The following ADAMTSL1 variants were observed in gnomAD, a reference collection of about 807,000 sequenced individuals.
ADAMTSL1 encodes ADAMTS-like protein 1.
Under a neutral mutation model 201.8 loss-of-function variants are expected in ADAMTSL1, and 126 were observed. The ratio of observed to expected loss-of-function variants is 0.62; its 90% CI spans 0.54 to 0.72. The LOEUF is 0.72. ADAMTSL1 is among the 30% of genes least tolerant of loss of function. The pLI is 0.00. For synonymous variants in ADAMTSL1, 1,121 were observed against 903.4 expected (o/e 1.24, Z -4.32); for missense variants, 2,679 against 2,277.8 (o/e 1.18, Z -3.59).
intron 1 of ADAMTSL1, among the ~76,000 whole-genome samples, chr9:17,924,450 T>G (rs1050667067): frequency 3.3e-5 from 5 of 152,302 alleles, no homozygotes; most frequent in African/African-American, 1.2e-4. Context: ...TAGTTTGTAT[T>G]TCTGTGGGAT....
chr9:18,504,789 A>G (rs773419466), intron 1 of ADAMTSL1, 40 bp from the exon 2 acceptor site: 4 of 1,614,008 alleles, frequency 2.5e-6, no homozygotes, highest in South Asian at 1.1e-5. Context: ...TCAGGGTTCC[A>G]TGGGGGATAT....
At chr9:18,868,143 AAT>A (rs1017873452) in intron 23 of ADAMTSL1, among the ~76,000 whole-genome samples, 4 of 152,194 alleles carry the variant, frequency 2.6e-5, no homozygotes, top group Non-Finnish European at 5.9e-5. Context: ...TATTTCAGAA[AAT>A]ATATGTCATT....
At chr9:18,605,128 C>A (rs1340302219) in intron 4 of ADAMTSL1, among the ~76,000 whole-genome samples, 1 of 152,170 alleles carries the variant, frequency 6.6e-6, no homozygotes, top group Non-Finnish European at 1.5e-5. Context: ...CCCTCTTCTG[C>A]TCCCAAGCTC....
At chr9:18,601,205 C>A (rs1824632042) in intron 4 of ADAMTSL1, among the ~76,000 whole-genome samples, 1 of 152,120 alleles carries the variant, frequency 6.6e-6, no homozygotes, top group Admixed American at 6.6e-5. Flanking sequence ...CTTTTGGTTA[C>A]AAGCAATAGA....
chr9:18,777,546 A>G lies in ADAMTSL1; in HGVS notation c.3317A>G (p.Gln1106Arg), dbSNP rs757726480. Residue 1106 changes from glutamine to arginine, a missense_variant, in exon 19 of 29, where the codon CAG becomes CGG. By Grantham distance (43) the Gln-to-Arg change is conservative. Coordinates refer to ENST00000380548, the MANE Select transcript of ADAMTSL1 (RefSeq NM_001040272.6). ...YSKHLVAQLA[Q>R]EIFRSHLEHQ... Reference sequence around the variant, plus strand: ...AAGCACCTGGTGGCCCAGCTGGCCCAGGAGATCTTCCGCAGCCACCTGGAG... The same window carrying G: ...AAGCACCTGGTGGCCCAGCTGGCCCGGGAGATCTTCCGCAGCCACCTGGAG... 2 of 1,604,308 alleles carry G rather than the reference A, an allele frequency of 1.2e-6. No individual in the cohort carries two copies. The highest frequency in any genetic ancestry group is 4.5e-5 in the East Asian group (2 of 44,318).
intron 6 of ADAMTSL1, among the ~76,000 whole-genome samples, chr9:18,637,602 T>C (rs1231059640): frequency 3.9e-5 from 6 of 152,204 alleles, no homozygotes; most frequent in Non-Finnish European, 5.9e-5. Flanking sequence ...TGGAACCTGC[T>C]TTTTTCTCCC....
chr9:18,695,736 C>T (rs1439959974), intron 13 of ADAMTSL1, among the ~76,000 whole-genome samples: 2 of 152,200 alleles, frequency 1.3e-5, no homozygotes, highest in African/African-American at 2.4e-5. Flanking sequence ...ACTCTTCCAA[C>T]CTCTGCCAGT....
intron 23 of ADAMTSL1, among the ~76,000 whole-genome samples, chr9:18,863,169 T>C (rs1205353260): frequency 2.0e-5 from 3 of 152,214 alleles, no homozygotes; most frequent in Non-Finnish European, 4.4e-5. Context: ...AGGCATCTCA[T>C]CTTCTTCACC....
chr9:18,194,264 T>C (rs1829085455), intron 2 of ADAMTSL1, among the ~76,000 whole-genome samples: 1 of 152,124 alleles, frequency 6.6e-6, no homozygotes, highest in Non-Finnish European at 1.5e-5. Flanking sequence ...AGTCAAGTTA[T>C]TTTTTTAAAT....
At chr9:18,891,917 A>G (rs1829299198) in intron 25 of ADAMTSL1, among the ~76,000 whole-genome samples, 1 of 152,230 alleles carries the variant, frequency 6.6e-6, no homozygotes, top group African/African-American at 2.4e-5. Flanking sequence ...TTTGAAGGCC[A>G]AAAGTCCAAG....
rs368648830 is a variant in ADAMTSL1, at chr9:18,284,304, C to T, written c.207+120323C>T. 2.6e-4 allele frequency among the ~76,000 whole-genome samples: 40 copies of T among 152,212 alleles called. No homozygotes were observed. The South Asian group carries it at 7.9e-3, about 30-fold the overall frequency. ...ATAGATGATGATACCACCACAGTTG[C>T]TTTTTATTTTCCCCCTTTCTATTCC... On this transcript the variant is annotated intron_variant, in intron 2 of 29. Coordinates refer to the ADAMTSL1 transcript ENST00000680146.
chr9:18,006,567 C>T (rs2131545674), intron 1 of ADAMTSL1, among the ~76,000 whole-genome samples: 1 of 151,950 alleles, frequency 6.6e-6, no homozygotes, highest in South Asian at 2.1e-4. Context: ...TGAAAAATGC[C>T]AATGTAAAAC....
intron 2 of ADAMTSL1, among the ~76,000 whole-genome samples, chr9:18,250,935 G>A (rs1490953470): frequency 1.3e-5 from 2 of 152,078 alleles, no homozygotes; most frequent in Admixed American, 6.5e-5. Flanking sequence ...AGAGAATAAT[G>A]ACAACTCACT....
At chr9:18,285,064 T>C (rs1411575840) in intron 2 of ADAMTSL1, among the ~76,000 whole-genome samples, 2 of 152,180 alleles carry the variant, frequency 1.3e-5, no homozygotes, top group Non-Finnish European at 2.9e-5. Context: ...ATCCCTACAA[T>C]GAATGGTTGG....
chr9:17,914,322 C>G (rs1220114333), intron 1 of ADAMTSL1, among the ~76,000 whole-genome samples: 1 of 152,104 alleles, frequency 6.6e-6, no homozygotes. Context: ...GCTTATCCAC[C>G]ATGATCAAGT....
chr9:18,754,167 T>A (rs1180551513), intron 16 of ADAMTSL1, among the ~76,000 whole-genome samples: 1 of 152,182 alleles, frequency 6.6e-6, no homozygotes, highest in Non-Finnish European at 1.5e-5. Flanking sequence ...CAAGGCAGAA[T>A]TGCGTGGTTG....
chr9:18,765,824 G>A (rs1040408316), intron 16 of ADAMTSL1, among the ~76,000 whole-genome samples: 2 of 152,112 alleles, frequency 1.3e-5, no homozygotes, highest in African/African-American at 4.8e-5. Context: ...AAATATGAGA[G>A]CTATTATAAA....
At chr9:18,534,494 G>A (rs1465526990) in intron 3 of ADAMTSL1, among the ~76,000 whole-genome samples, 1 of 152,216 alleles carries the variant, frequency 6.6e-6, no homozygotes, top group East Asian at 1.9e-4. Flanking sequence ...ATAAGTTGAA[G>A]CGGGAATAAA....
chr9:18,840,733 C>G (rs1160413495), intron 23 of ADAMTSL1, among the ~76,000 whole-genome samples: 2 of 150,696 alleles, frequency 1.3e-5, no homozygotes, highest in Admixed American at 6.6e-5. Flanking sequence ...TTGTAGTTCT[C>G]CTTGAAGAGG....
Sources: allele counts gnomAD v4.1 joint callset (sites outside exome capture counted in the v4.1 genomes callset), GRCh38; gene constraint gnomAD v4.1.1; transcripts MANE v1.5; gene names NCBI Gene and HGNC (gene_info 2026-07-23, HGNC 2026-07-21).